The following GRID2 variants were observed in gnomAD, a reference collection of about 807,000 sequenced individuals.
GRID2 encodes glutamate ionotropic receptor delta type subunit 2.
In GRID2, 33 loss-of-function variants were observed where a neutral mutation model predicts 114.8. The ratio of observed to expected loss-of-function variants is 0.29; its 90% CI spans 0.22 to 0.38. The LOEUF is 0.38. Among genes scored for constraint, GRID2 ranks in the 10% least tolerant of loss-of-function variants. The probability of loss-of-function intolerance (pLI) is 1.00; values close to 1 mark genes in which losing one functional copy is unlikely to be tolerated. For missense variants in GRID2, 1,184 were observed against 1,257.7 expected (o/e 0.94, Z 0.89); for synonymous variants, 505 against 449.9 (o/e 1.12, Z -1.55).
chr4:92,613,463 G>C (rs1480279750), intron 2 of GRID2, among the ~76,000 whole-genome samples: 2 of 151,260 alleles, frequency 1.3e-5, no homozygotes, highest in African/African-American at 2.4e-5. Flanking sequence ...TTTCCCTTTT[G>C]TTTTCTAGAA....
At chr4:92,804,576 A>G (rs1032362719) in intron 2 of GRID2, among the ~76,000 whole-genome samples, 1 of 152,062 alleles carries the variant, frequency 6.6e-6, no homozygotes. Context: ...GTGCATTTTA[A>G]TAAACTATTT....
rs193269344 is a variant in GRID2, at chr4:92,444,350, G to A, written c.88+139606G>A. 9.2e-3 allele frequency among the ~76,000 whole-genome samples: 1,377 copies of A among 150,334 alleles called. 6 individuals are homozygous for A. The highest frequency in any genetic ancestry group is 0.014 in the Non-Finnish European group (926 of 67,796). On this transcript the variant is annotated intron_variant, in intron 1 of 15. Coordinates refer to ENST00000282020, the MANE Select transcript of GRID2 (RefSeq NM_001510.4). ...GGGGCCGTTTTATAGGATTTGGGTA[G>A]GTAAACGAAAATTACAGTCAAAGGG...
intron 8 of GRID2, among the ~76,000 whole-genome samples, chr4:93,385,558 A>G (rs755913616): frequency 5.9e-5 from 9 of 152,176 alleles, no homozygotes; most frequent in Non-Finnish European, 1.2e-4. Flanking sequence ...GCCATACGTC[A>G]GTGAATAGAA....
chr4:93,190,401 CTG>C (rs1291286826), intron 4 of GRID2, among the ~76,000 whole-genome samples: 1 of 152,114 alleles, frequency 6.6e-6, no homozygotes, highest in African/African-American at 2.4e-5. Flanking sequence ...CCAAGATTTG[CTG>C]TCTTTTCAAC....
intron 14 of GRID2, among the ~76,000 whole-genome samples, chr4:93,741,831 G>T (rs1036644129): frequency 1.1e-4 from 17 of 151,054 alleles, no homozygotes; most frequent in Admixed American, 9.9e-4. Flanking sequence ...GGCTGAAGCA[G>T]TAGAATCACT....
intron 2 of GRID2, among the ~76,000 whole-genome samples, chr4:92,658,245 A>G (rs1203448202): frequency 6.6e-6 from 1 of 151,778 alleles, no homozygotes; most frequent in Non-Finnish European, 1.5e-5. Context: ...TAGATACGGT[A>G]CTCCTTATTC....
chr4:93,618,992 A>C (rs994151271), intron 13 of GRID2, among the ~76,000 whole-genome samples: 1 of 152,228 alleles, frequency 6.6e-6, no homozygotes, highest in African/African-American at 2.4e-5. Flanking sequence ...ACAGGCAAGA[A>C]ATAAGATTTA....
rs192368186 is a variant in GRID2 at position 92,541,259 on chromosome 4, T to C, written c.89-48872T>C. Among the ~76,000 whole-genome samples the C allele has an allele frequency of 2.9e-3, 442 of 151,916 alleles. 6 individuals carry two copies. The East Asian group carries it at 0.036, about 12-fold the overall frequency. On this transcript the variant is annotated intron_variant, in intron 1 of 15. Transcript: ENST00000282020. Reference sequence around the variant, plus strand: ...GTATACAATGTAACAAACCTGCACATTGTGCACATGTACCCTTAAACTTAA... The same window carrying C: ...GTATACAATGTAACAAACCTGCACACTGTGCACATGTACCCTTAAACTTAA...
At chr4:92,411,854 C>T (rs912756493) in intron 1 of GRID2, among the ~76,000 whole-genome samples, 1 of 151,158 alleles carries the variant, frequency 6.6e-6, no homozygotes, top group African/African-American at 2.4e-5. Context: ...TACAGGCGCC[C>T]GCCACCACGC....
At chr4:93,725,877 A>T (rs915682640) in intron 14 of GRID2, among the ~76,000 whole-genome samples, 2 of 151,946 alleles carry the variant, frequency 1.3e-5, no homozygotes, top group South Asian at 2.1e-4. Flanking sequence ...TAGATTCTGG[A>T]TATTAGCCCT....
chr4:93,703,728 G>A (rs1052210875), intron 14 of GRID2, among the ~76,000 whole-genome samples: 2 of 142,212 alleles, frequency 1.4e-5, no homozygotes, highest in African/African-American at 2.6e-5. Context: ...TCCCACCTAT[G>A]AGTGAGAACA....
chr4:93,544,787 A>G (rs1733046405), intron 13 of GRID2, among the ~76,000 whole-genome samples: 1 of 151,696 alleles, frequency 6.6e-6, no homozygotes, highest in Non-Finnish European at 1.5e-5. Context: ...GGAAAAAAAA[A>G]AAAAGAAAAA....
intron 2 of GRID2, among the ~76,000 whole-genome samples, chr4:92,785,768 CAAAGTA>C (rs1234330467): frequency 6.6e-6 from 1 of 151,468 alleles, no homozygotes; most frequent in African/African-American, 2.4e-5. Context: ...GTCAAACACA[CAAAGTA>C]AAAGAAAGAC....
intron 2 of GRID2, among the ~76,000 whole-genome samples, chr4:92,753,081 T>C (rs1032586207): frequency 6.6e-6 from 1 of 152,196 alleles, no homozygotes; most frequent in Non-Finnish European, 1.5e-5. Context: ...CTGATTGTTA[T>C]ATAAAACTGA....
At chr4:93,803,370 G>T (rs1305689591) in intron 1 of GRID2, among the ~76,000 whole-genome samples, 1 of 152,114 alleles carries the variant, frequency 6.6e-6, no homozygotes, top group African/African-American at 2.4e-5. Context: ...GAAAAATTAA[G>T]CACGAGTACC....
Position 93,308,650 on chromosome 4 carries a change from G to A in GRID2, c.1245+70160G>A, listed in dbSNP as rs188241398. On this transcript the variant is annotated intron_variant, in intron 8 of 15. Transcript: ENST00000282020. The stretch of plus-strand genomic sequence containing the variant: ...AATGGAGAAAGGCAGTAATAAGAAA[G>A]GAAAAACAGAAAAATAGAATAAGTA... Among the ~76,000 whole-genome samples the A allele has an allele frequency of 1.2e-3, 181 of 152,236 alleles. 3 individuals carry two copies. Among genetic ancestry groups the A allele is most frequent in the African/African-American group, 4.3e-3 (179 of 41,552 alleles).
chr4:92,876,444 A>G (rs1165307406), intron 2 of GRID2, among the ~76,000 whole-genome samples: 1 of 151,998 alleles, frequency 6.6e-6, no homozygotes, highest in Non-Finnish European at 1.5e-5. Flanking sequence ...AGCTGGGACT[A>G]CAGGTGCCTG....
At chr4:92,451,471 C>T (rs1175563197) in intron 1 of GRID2, among the ~76,000 whole-genome samples, 9 of 152,100 alleles carry the variant, frequency 5.9e-5, no homozygotes, top group Admixed American at 5.2e-4. Flanking sequence ...ATATAAATCA[C>T]TTACAACATG....
chr4:92,739,436 T>C (rs1736763525), intron 2 of GRID2, among the ~76,000 whole-genome samples: 1 of 152,158 alleles, frequency 6.6e-6, no homozygotes, highest in Non-Finnish European at 1.5e-5. Flanking sequence ...ATTTTTTTTT[T>C]CTAGTTTGGG....
Sources: allele counts gnomAD v4.1 joint callset (sites outside exome capture counted in the v4.1 genomes callset), GRCh38; gene constraint gnomAD v4.1.1; transcripts MANE v1.5; gene names NCBI Gene and HGNC (gene_info 2026-07-23, HGNC 2026-07-21).